Variants in SUFU observed in about 807,000 individuals in gnomAD.
The protein encoded by SUFU is SUFU negative regulator of hedgehog signaling, also known as suppressor of fused homolog.
In SUFU, 7 loss-of-function variants were observed where a neutral mutation model predicts 58.9. The observed-to-expected ratio is 0.12, with a 90% CI of 0.07 to 0.22. SUFU has a LOEUF of 0.22. Ranked by LOEUF, SUFU falls within the 10% of genes least tolerant of loss-of-function variation. SUFU has a pLI of 1.00. For synonymous variants in SUFU, 232 were observed against 254.8 expected, an observed-to-expected ratio of 0.91 and a Z score of 0.85; for missense variants, 451 against 641.3, an observed-to-expected ratio of 0.70 and a Z score of 3.20.
chr10:102,607,894 G>T (rs1170241348), intron 8 of SUFU, among the ~76,000 whole-genome samples: 1 of 150,992 alleles, frequency 6.6e-6, no homozygotes, highest in Non-Finnish European at 1.5e-5. Flanking sequence ...CTGGGCGACA[G>T]AGCAAGATTC....
chr10:102,524,200 C>G (rs1471879356), intron 2 of SUFU, among the ~76,000 whole-genome samples: 2 of 152,168 alleles, frequency 1.3e-5, no homozygotes, highest in South Asian at 2.1e-4. Context: ...TAGTCAGGGT[C>G]TCACTATGTT....
chr10:102,505,243 G>A (rs2062310254), intron 1 of SUFU, among the ~76,000 whole-genome samples: 2 of 152,322 alleles, frequency 1.3e-5, no homozygotes, highest in South Asian at 4.1e-4. Context: ...TAGCTTTAGG[G>A]TAGGAATGGT....
intron 3 of SUFU, among the ~76,000 whole-genome samples, chr10:102,580,505 A>G (rs542128735): frequency 9.2e-5 from 14 of 152,100 alleles, no homozygotes; most frequent in African/African-American, 3.1e-4. Flanking sequence ...GGGGGTATGG[A>G]GCCGGGTAGG....
intron 8 of SUFU, among the ~76,000 whole-genome samples, chr10:102,601,495 G>A (rs1050051217): frequency 2.6e-5 from 4 of 152,174 alleles, no homozygotes; most frequent in African/African-American, 9.7e-5. Context: ...CTTCCTGAAG[G>A]TTTAGTGCCC....
intron 3 of SUFU, chr10:102,573,028 G>T (rs1191389111): frequency 1.9e-6 from 2 of 1,049,370 alleles, no homozygotes; most frequent in African/African-American, 1.6e-5. Context: ...CTTGTTCTCC[G>T]GGGTTGGTCT....
intron 3 of SUFU, among the ~76,000 whole-genome samples, chr10:102,589,015 T>C (rs1324485245): frequency 6.6e-6 from 1 of 152,088 alleles, no homozygotes; most frequent in Admixed American, 6.6e-5. Context: ...CTTCAACTTC[T>C]GGGCTCAAGC....
chr10:102,548,697 T>C (rs1268732963), intron 2 of SUFU, among the ~76,000 whole-genome samples: 1 of 152,180 alleles, frequency 6.6e-6, no homozygotes, highest in African/African-American at 2.4e-5. Flanking sequence ...TTCCCTTACC[T>C]GGGGAGGTGT....
chr10:102,626,934 C>T (rs1277943251), intron 10 of SUFU, among the ~76,000 whole-genome samples: 1 of 152,100 alleles, frequency 6.6e-6, no homozygotes, highest in Non-Finnish European at 1.5e-5. Context: ...TGTCCTCCCT[C>T]CCCTCCCCAT....
chr10:102,509,261 G>C lies in SUFU; in HGVS notation c.275G>C (p.Ser92Thr), dbSNP rs746322193. ...ANIPEHWHYI[S>T]FGLSDLYGDN... ...ATCCCCGAGCACTGGCACTACATCA[G>C]CTTCGGCCTGAGTGATCTCTATGGT... The change falls in exon 2 of 12, where the codon AGC (serine) becomes ACC (threonine). Residue 92 changes from serine to threonine, a missense_variant. Coordinates refer to ENST00000369902, the MANE Select transcript of SUFU (RefSeq NM_016169.4). The C allele has an allele frequency of 1.1e-5, 18 of 1,614,076 alleles. No individual in the cohort carries two copies. The Middle Eastern group carries it at 4.9e-4, about 44-fold the overall frequency.
At chr10:102,563,486 G>A (rs1242701384) in intron 3 of SUFU, among the ~76,000 whole-genome samples, 1 of 152,046 alleles carries the variant, frequency 6.6e-6, no homozygotes, top group Non-Finnish European at 1.5e-5. Flanking sequence ...ATAGAGTCTT[G>A]ATTCTAAGGG....
At chr10:102,579,556 G>C (rs944711877) in intron 3 of SUFU, among the ~76,000 whole-genome samples, 1 of 152,194 alleles carries the variant, frequency 6.6e-6, no homozygotes, top group Admixed American at 6.5e-5. Context: ...GGGCGGTTCT[G>C]GAGAAAATGC....
intron 9 of SUFU, among the ~76,000 whole-genome samples, chr10:102,616,534 C>T (rs1358017869): frequency 6.6e-6 from 1 of 152,236 alleles, no homozygotes; most frequent in Non-Finnish European, 1.5e-5. Context: ...CTTCTCTGGC[C>T]CAGGCCCAGG....
intron 8 of SUFU, 24 bp from the exon 9 acceptor site, chr10:102,615,244 C>T (rs770276474): frequency 3.7e-6 from 6 of 1,613,998 alleles, no homozygotes; most frequent in Non-Finnish European, 5.1e-6. Context: ...TTGTGCCGAA[C>T]CTTTTCCTGT....
At chr10:102,566,274 T>C (rs1487095208) in intron 3 of SUFU, among the ~76,000 whole-genome samples, 1 of 152,164 alleles carries the variant, frequency 6.6e-6, no homozygotes, top group Non-Finnish European at 1.5e-5. Context: ...AATAGTAATA[T>C]CTACTTCATA....
At chr10:102,600,410 A>G (rs982592893) in intron 8 of SUFU, among the ~76,000 whole-genome samples, 17 of 152,156 alleles carry the variant, frequency 1.1e-4, no homozygotes, top group African/African-American at 4.1e-4. Flanking sequence ...GCTCGGACCT[A>G]GGGGGCCATC....
At chr10:102,508,877 G>A (rs1473779038) in intron 1 of SUFU, among the ~76,000 whole-genome samples, 1 of 152,142 alleles carries the variant, frequency 6.6e-6, no homozygotes, top group African/African-American at 2.4e-5. Context: ...ATTTGGGATC[G>A]GTAATTTGAA....
At chr10:102,580,475 A>G (rs1282902548) in intron 3 of SUFU, among the ~76,000 whole-genome samples, 1 of 151,982 alleles carries the variant, frequency 6.6e-6, no homozygotes, top group African/African-American at 2.4e-5. Context: ...ACTCTGCTGT[A>G]AGGTTCTTTG....
chr10:102,525,388 G>C (rs2062598504), intron 2 of SUFU, among the ~76,000 whole-genome samples: 1 of 152,180 alleles, frequency 6.6e-6, no homozygotes, highest in Non-Finnish European at 1.5e-5. Context: ...GAGATTATAA[G>C]CATGAGCCAC....
chr10:102,609,386 A>G (rs529583920), intron 8 of SUFU, among the ~76,000 whole-genome samples: 4 of 152,214 alleles, frequency 2.6e-5, no homozygotes, highest in African/African-American at 9.7e-5. Context: ...ACACAACTCA[A>G]TTTGGAAGAA....
Sources: gnomAD v4.1 joint callset for allele counts (sites outside exome capture counted in the v4.1 genomes callset) on GRCh38, gnomAD v4.1.1 for gene constraint, MANE v1.5 for transcripts, NCBI Gene and HGNC (gene_info 2026-07-23, HGNC 2026-07-21) for gene names.